Variants in RBFOX1 observed in about 807,000 individuals in gnomAD.
The protein encoded by RBFOX1 is RNA binding fox-1 homolog 1, also known as RNA binding protein fox-1 homolog 1.
Under a neutral mutation model 57.7 loss-of-function variants are expected in RBFOX1, and 8 were observed. That is an observed-to-expected ratio of 0.14 (90% CI 0.08 to 0.25). The LOEUF (loss-of-function observed/expected upper bound fraction) is 0.25, where lower values mean the gene tolerates loss of function less well. RBFOX1 is among the 10% of genes least tolerant of loss of function. RBFOX1 has a pLI of 1.00. For missense variants in RBFOX1, 611 were observed against 548.5 expected, an observed-to-expected ratio of 1.11 and a Z score of -1.14; for synonymous variants, 326 against 222.4, an observed-to-expected ratio of 1.47 and a Z score of -4.15.
At chr16:5,654,644 G>C in intron 3 of RBFOX1, among the ~76,000 whole-genome samples, 1 of 152,104 alleles carries the variant, frequency 6.6e-6, no homozygotes. Flanking sequence ...AAGCCCTTTC[G>C]CATCTCATTC....
chr16:7,551,469 A>G (rs2086510576), intron 5 of RBFOX1, among the ~76,000 whole-genome samples: 1 of 152,228 alleles, frequency 6.6e-6, no homozygotes, highest in African/African-American at 2.4e-5. Context: ...GGTGAAAGCC[A>G]TGAGACACTG....
At chr16:6,591,550 A>C (rs980994124) in intron 2 of RBFOX1, among the ~76,000 whole-genome samples, 1 of 152,204 alleles carries the variant, frequency 6.6e-6, no homozygotes, top group Non-Finnish European at 1.5e-5. Flanking sequence ...AGTTCCTGGT[A>C]GAGCTGGGAG....
At chr16:5,928,337 C>A (rs2058977326) in intron 4 of RBFOX1, among the ~76,000 whole-genome samples, 1 of 151,792 alleles carries the variant, frequency 6.6e-6, no homozygotes, top group Admixed American at 6.6e-5. Context: ...CCAGCCCCTG[C>A]CTTCCCAAGT....
At chr16:5,384,655 T>C (rs1319149223) in intron 1 of RBFOX1, among the ~76,000 whole-genome samples, 2 of 152,142 alleles carry the variant, frequency 1.3e-5, no homozygotes, top group African/African-American at 4.8e-5. Context: ...AAATGAAATT[T>C]TATGATAGTT....
At chr16:6,100,317 T>A (rs1224944402) in intron 1 of RBFOX1, among the ~76,000 whole-genome samples, 1 of 152,094 alleles carries the variant, frequency 6.6e-6, no homozygotes, top group African/African-American at 2.4e-5. Flanking sequence ...CGCCCGCCAT[T>A]ACGCCTGGCT....
chr16:6,364,961 A>C (rs1423869909), intron 2 of RBFOX1, among the ~76,000 whole-genome samples: 1 of 152,112 alleles, frequency 6.6e-6, no homozygotes, highest in East Asian at 1.9e-4. Context: ...CAAAACTGTG[A>C]TAAGAAATAT....
intron 1 of RBFOX1, among the ~76,000 whole-genome samples, chr16:5,278,729 G>T (rs575439812): frequency 6.6e-6 from 1 of 152,144 alleles, no homozygotes; most frequent in Admixed American, 6.6e-5. Context: ...TGGCTGTTAC[G>T]TTTAAGTCTT....
At chr16:7,475,863 T>G (rs568825200) in intron 4 of RBFOX1, among the ~76,000 whole-genome samples, 27 of 152,368 alleles carry the variant, frequency 1.8e-4, no homozygotes, top group Admixed American at 1.3e-3. Flanking sequence ...TAGCATTTAT[T>G]TGGTGCTTAC....
chr16:5,936,330 A>G (rs1171832531), intron 4 of RBFOX1, among the ~76,000 whole-genome samples: 1 of 152,130 alleles, frequency 6.6e-6, no homozygotes, highest in Admixed American at 6.5e-5. Flanking sequence ...CACCACGTTC[A>G]CCAGACTGGT....
chr16:6,902,843 T>C (rs7196875), intron 3 of RBFOX1, among the ~76,000 whole-genome samples: 113,571 of 152,130 alleles, frequency 0.75, 42,585 homozygotes, highest in East Asian at 0.94. Flanking sequence ...TTTCCATCTG[T>C]TCATTTATTT....
chr16:6,056,244 G>T (rs752307408), intron 1 of RBFOX1, among the ~76,000 whole-genome samples: 14 of 152,202 alleles, frequency 9.2e-5, no homozygotes, highest in Non-Finnish European at 1.8e-4. Flanking sequence ...AAGTGAATGT[G>T]GGGGAGTGTA....
rs139341130 is a variant in RBFOX1, at chr16:7,116,288, C to G, written c.27+64190C>G. On this transcript the variant is annotated intron_variant, in intron 4 of 15. Coordinates refer to ENST00000550418, the MANE Select transcript of RBFOX1 (RefSeq NM_018723.4). ...ATCCTGGCTATCCGAGCTGCTCTAT[C>G]TGCCTCTGAAAGCCTAGGAGTAAAG... Among the ~76,000 whole-genome samples the G allele has an allele frequency of 3.4e-3, 524 of 152,270 alleles. 2 individuals are homozygous for G. The highest frequency in any genetic ancestry group is 0.012 in the African/African-American group (490 of 41,540).
At chr16:5,322,886 G>T (rs537501622) in intron 1 of RBFOX1, among the ~76,000 whole-genome samples, 1 of 152,312 alleles carries the variant, frequency 6.6e-6, no homozygotes, top group Non-Finnish European at 1.5e-5. Flanking sequence ...ATTGTTTTCA[G>T]TGGTTTCTCT....
intron 4 of RBFOX1, among the ~76,000 whole-genome samples, chr16:7,349,557 A>C (rs1034267876): frequency 2.6e-5 from 4 of 151,920 alleles, no homozygotes; most frequent in Non-Finnish European, 5.9e-5. Context: ...GTAGCTTACC[A>C]GTTAATACTC....
chr16:7,615,748 T>A (rs1467255438), intron 10 of RBFOX1, among the ~76,000 whole-genome samples: 2 of 152,124 alleles, frequency 1.3e-5, no homozygotes, highest in Non-Finnish European at 2.9e-5. Flanking sequence ...GGGAGTGTTG[T>A]TCACTGCTGA....
At chr16:5,336,332 G>A (rs774047816) in intron 1 of RBFOX1, among the ~76,000 whole-genome samples, 6 of 152,098 alleles carry the variant, frequency 3.9e-5, no homozygotes, top group Non-Finnish European at 7.4e-5. Context: ...ATTCAGACAG[G>A]CTGTTCCTCA....
chr16:5,744,247 G>C (rs998310798), intron 3 of RBFOX1, among the ~76,000 whole-genome samples: 1 of 152,102 alleles, frequency 6.6e-6, no homozygotes, highest in Admixed American at 6.5e-5. Context: ...TCTGTTTCTT[G>C]TAGCTGCCCT....
chr16:6,957,263 C>T (rs568910816), intron 3 of RBFOX1, among the ~76,000 whole-genome samples: 191 of 151,996 alleles, frequency 1.3e-3, no homozygotes, highest in Middle Eastern at 6.8e-3. Context: ...TCCCGAGTAG[C>T]TGGGACTACA....
intron 2 of RBFOX1, among the ~76,000 whole-genome samples, chr16:6,569,916 G>A (rs1344885696): frequency 6.6e-6 from 1 of 152,158 alleles, no homozygotes; most frequent in Admixed American, 6.5e-5. Context: ...TATAAGTACT[G>A]TACAATTCAC....
Sources: allele counts gnomAD v4.1 joint callset (sites outside exome capture counted in the v4.1 genomes callset), GRCh38; gene constraint gnomAD v4.1.1; transcripts MANE v1.5; gene names NCBI Gene and HGNC (gene_info 2026-07-23, HGNC 2026-07-21).